The following ANTXR1 variants were observed in gnomAD, a reference collection of about 807,000 sequenced individuals.
ANTXR1 encodes the protein ANTXR cell adhesion molecule 1.
A neutral mutation model predicts 78.1 loss-of-function variants in ANTXR1; 19 were observed. That is an observed-to-expected ratio of 0.24 (90% CI 0.17 to 0.36). The LOEUF (loss-of-function observed/expected upper bound fraction) is 0.36, where lower values mean the gene tolerates loss of function less well. Among genes scored for constraint, ANTXR1 ranks in the 10% least tolerant of loss-of-function variants. The pLI is 1.00. For synonymous variants in ANTXR1, 273 were observed against 260.5 expected (o/e 1.05, Z -0.46); for missense variants, 518 against 718.6 (o/e 0.72, Z 3.19).
rs143075280 is a variant in ANTXR1 at position 69,124,316 on chromosome 2, A to G, written c.873-249A>G. 1.2e-3 allele frequency among the ~76,000 whole-genome samples: 189 copies of G among 152,352 alleles called. 1 individual carries two copies. The highest frequency in any genetic ancestry group is 4.5e-3 in the African/African-American group (187 of 41,588). On this transcript the variant is annotated intron_variant, in intron 11 of 17. Transcript: ENST00000303714. Reference sequence around the variant, plus strand: ...CTCACTGCAATGCCGGAACGTCTGAATGCACTGCCTTAATATACCAGCCAA... The same window carrying G: ...CTCACTGCAATGCCGGAACGTCTGAGTGCACTGCCTTAATATACCAGCCAA...
At position 69,215,140 on chromosome 2, in the gene ANTXR1, T is replaced by G. The variant is rs761041034; in HGVS notation, c.1434+21725T>G. Among the ~76,000 whole-genome samples the G allele has an allele frequency of 5.9e-5, 9 of 152,324 alleles. No homozygotes were observed. The East Asian group carries it at 1.7e-3, about 29-fold the overall frequency. ...TTTCTCAGACATGAGAACTCTGTATTCGCCATCTTCAGGGAACCCATTCCA... is the reference window on the plus strand; with the variant it reads ...TTTCTCAGACATGAGAACTCTGTATGCGCCATCTTCAGGGAACCCATTCCA... On this transcript the variant is annotated intron_variant, in intron 17 of 17. Coordinates refer to ENST00000303714, the MANE Select transcript of ANTXR1 (RefSeq NM_032208.3).
intron 16 of ANTXR1, among the ~76,000 whole-genome samples, chr2:69,183,444 C>T (rs1402639893): frequency 1.3e-5 from 2 of 151,972 alleles, no homozygotes; most frequent in Non-Finnish European, 2.9e-5. Context: ...ACTCTGTCAC[C>T]CAGGCTGGAG....
At position 69,220,761 on chromosome 2, in the gene ANTXR1, C is replaced by T. The variant is rs1675298611; in HGVS notation, c.1435-24464C>T. 3.9e-5 allele frequency among the ~76,000 whole-genome samples: 6 copies of T among 152,318 alleles called. No individual in the cohort carries two copies. The South Asian group carries it at 1.2e-3, about 32-fold the overall frequency. On this transcript the variant is annotated intron_variant, in intron 17 of 17. Coordinates refer to ENST00000303714, the MANE Select transcript of ANTXR1 (RefSeq NM_032208.3). ...CAGGGTCAGTTGTCTTCTCTCTGAG[C>T]AGATTGTTGGGGGCCAATCCTAGCT...
At chr2:69,201,625 A>G (rs1416598318) in intron 17 of ANTXR1, among the ~76,000 whole-genome samples, 2 of 152,200 alleles carry the variant, frequency 1.3e-5, no homozygotes, top group African/African-American at 2.4e-5. Flanking sequence ...GTGGGCAAGG[A>G]AGACAGCTTG....
chr2:69,086,346 C>A (rs1671049053), intron 8 of ANTXR1, among the ~76,000 whole-genome samples: 1 of 152,204 alleles, frequency 6.6e-6, no homozygotes, highest in African/African-American at 2.4e-5. Flanking sequence ...CTCTTCTATA[C>A]AACCCGGACT....
At chr2:69,244,000 C>T (rs558405884) in intron 17 of ANTXR1, among the ~76,000 whole-genome samples, 26 of 152,328 alleles carry the variant, frequency 1.7e-4, no homozygotes, top group African/African-American at 6.3e-4. Flanking sequence ...AGTGGCCAAG[C>T]GAAGAGAGCT....
intron 3 of ANTXR1, among the ~76,000 whole-genome samples, chr2:69,053,177 A>C (rs1340268666): frequency 6.6e-6 from 1 of 152,214 alleles, no homozygotes; most frequent in African/African-American, 2.4e-5. Flanking sequence ...TGACTTAAAA[A>C]TGGAACCACA....
Position 69,044,543 on chromosome 2 carries a change from G to A in ANTXR1, c.225-199G>A, listed in dbSNP as rs973755229. Reference sequence around the variant, plus strand: ...AGAAGCAGCCTCAGGAAGATCCAGTGTGTCTTCTCTTTGACCCACACTTCA... The same window carrying A: ...AGAAGCAGCCTCAGGAAGATCCAGTATGTCTTCTCTTTGACCCACACTTCA... On this transcript the variant is annotated intron_variant, in intron 2 of 17. Transcript: ENST00000303714. Among the ~76,000 whole-genome samples, 6 of 152,252 alleles carry A rather than the reference G, an allele frequency of 3.9e-5. No individual in the cohort carries two copies. The East Asian group carries it at 1.2e-3, about 29-fold the overall frequency.
Position 69,030,225 on chromosome 2 carries a change from T to C in ANTXR1, c.153-9819T>C, listed in dbSNP as rs140237989. Among the ~76,000 whole-genome samples, 77 of 152,204 alleles carry C rather than the reference T, an allele frequency of 5.1e-4. No individual in the cohort carries two copies. The East Asian group carries it at 0.013, about 26-fold the overall frequency. On this transcript the variant is annotated intron_variant, in intron 1 of 17. Coordinates refer to ENST00000303714, the MANE Select transcript of ANTXR1 (RefSeq NM_032208.3). ...AGATGGATTTGTCTCTGTGAAGGAG[T>C]CCTTCGATTCTGGACCAGTTGGTTT... is the stretch of plus-strand genomic sequence containing the variant.
chr2:69,196,249 T>A (rs890297904), intron 17 of ANTXR1, among the ~76,000 whole-genome samples: 1 of 152,256 alleles, frequency 6.6e-6, no homozygotes, highest in African/African-American at 2.4e-5. Flanking sequence ...ATTTGAGATA[T>A]AAGAAGCTTA....
intron 17 of ANTXR1, among the ~76,000 whole-genome samples, chr2:69,199,287 G>A (rs1386629419): frequency 1.3e-5 from 2 of 152,220 alleles, no homozygotes; most frequent in Admixed American, 6.5e-5. Context: ...ATGTGATGCT[G>A]ATGCTGCTGG....
chr2:69,174,271 C>G (rs1472335238), intron 14 of ANTXR1, among the ~76,000 whole-genome samples: 2 of 152,276 alleles, frequency 1.3e-5, no homozygotes, highest in Non-Finnish European at 2.9e-5. Context: ...CTTATTTATT[C>G]AACAACTCTA....
intron 8 of ANTXR1, among the ~76,000 whole-genome samples, chr2:69,087,270 C>CTA (rs1558531498): frequency 1.3e-5 from 2 of 152,196 alleles, no homozygotes; most frequent in Non-Finnish European, 2.9e-5. Context: ...AGGCACTGTG[C>CTA]TATGGGCTCT....
chr2:69,190,604 T>C (rs1024777738), intron 16 of ANTXR1, among the ~76,000 whole-genome samples: 1 of 152,184 alleles, frequency 6.6e-6, no homozygotes, highest in East Asian at 1.9e-4. Flanking sequence ...TCATCTCCAC[T>C]TTAAATATGA....
intron 17 of ANTXR1, among the ~76,000 whole-genome samples, chr2:69,203,370 G>T (rs1245030124): frequency 1.3e-5 from 2 of 152,156 alleles, no homozygotes; most frequent in African/African-American, 4.8e-5. Context: ...CTGTCTCATT[G>T]GAGGGGGACA....
chr2:69,081,815 G>T (rs934782689), intron 8 of ANTXR1, among the ~76,000 whole-genome samples: 1 of 152,160 alleles, frequency 6.6e-6, no homozygotes, highest in African/African-American at 2.4e-5. Flanking sequence ...CAGTGAGTTC[G>T]TACTATGTGC....
chr2:69,198,971 A>G (rs1159997946), intron 17 of ANTXR1, among the ~76,000 whole-genome samples: 1 of 152,248 alleles, frequency 6.6e-6, no homozygotes, highest in Non-Finnish European at 1.5e-5. Context: ...AGCTAGCCCC[A>G]TAGGTAGAAA....
chr2:69,047,064 A>C (rs1669789470), intron 3 of ANTXR1, among the ~76,000 whole-genome samples: 1 of 152,222 alleles, frequency 6.6e-6, no homozygotes, highest in South Asian at 2.1e-4. Flanking sequence ...CAGATCAAAA[A>C]TACAGTATTC....
intron 1 of ANTXR1, among the ~76,000 whole-genome samples, chr2:69,034,191 A>G (rs1671610282): frequency 6.6e-6 from 1 of 152,232 alleles, no homozygotes. Flanking sequence ...AAACAAAAAT[A>G]AGAAAGACAC....
Sources: gnomAD v4.1 joint callset for allele counts (sites outside exome capture counted in the v4.1 genomes callset) on GRCh38, gnomAD v4.1.1 for gene constraint, MANE v1.5 for transcripts, NCBI Gene and HGNC (gene_info 2026-07-23, HGNC 2026-07-21) for gene names.